STPG2: variants seen among roughly 807,000 people sequenced by gnomAD.
STPG2 encodes the protein sperm-tail PG-rich repeat-containing protein 2.
STPG2 carries 56 observed loss-of-function variants against 54.2 expected under a neutral mutation model. That is an observed-to-expected ratio of 1.03 (90% CI 0.83 to 1.29). The LOEUF is 1.29. STPG2 is among the 50% of genes most tolerant of loss of function. STPG2 has a pLI of 0.00. For synonymous variants in STPG2, 200 were observed against 181.8 expected (o/e 1.10, Z -0.81); for missense variants, 596 against 544.9 (o/e 1.09, Z -0.93).
At chr4:97,587,698 T>C (rs1166828353) in intron 10 of STPG2, among the ~76,000 whole-genome samples, 1 of 151,972 alleles carries the variant, frequency 6.6e-6, no homozygotes, top group Non-Finnish European at 1.5e-5. Context: ...TAAATTTCTG[T>C]TTCATATTTC....
chr4:97,657,176 A>AT (rs1221991051), intron 10 of STPG2, among the ~76,000 whole-genome samples: 2 of 152,126 alleles, frequency 1.3e-5, no homozygotes, highest in African/African-American at 4.8e-5. Flanking sequence ...ATTTAATGGA[A>AT]TAAAAAAATA....
intron 5 of STPG2, among the ~76,000 whole-genome samples, chr4:98,019,236 T>C (rs534733011): frequency 2.0e-5 from 3 of 152,332 alleles, no homozygotes; most frequent in African/African-American, 7.2e-5. Flanking sequence ...TTTCTACATA[T>C]GGCTAGCCAG....
chr4:97,881,498 C>T (rs761722088), intron 8 of STPG2, among the ~76,000 whole-genome samples: 1 of 151,964 alleles, frequency 6.6e-6, no homozygotes, highest in Non-Finnish European at 1.5e-5. Flanking sequence ...CATAAATGGG[C>T]AAGTAAGAAA....
At chr4:97,854,773 T>G (rs1729278415) in intron 8 of STPG2, among the ~76,000 whole-genome samples, 1 of 152,174 alleles carries the variant, frequency 6.6e-6, no homozygotes. Context: ...AAGTGGTACA[T>G]GTGCAGCATG....
At chr4:97,890,450 G>C (rs1730724400) in intron 8 of STPG2, among the ~76,000 whole-genome samples, 1 of 151,738 alleles carries the variant, frequency 6.6e-6, no homozygotes, top group Admixed American at 6.6e-5. Flanking sequence ...TCTAAATGTT[G>C]CATAAATTTT....
intron 4 of STPG2, among the ~76,000 whole-genome samples, chr4:97,517,938 A>T (rs986227107): frequency 6.6e-6 from 1 of 152,104 alleles, no homozygotes; most frequent in Admixed American, 6.6e-5. Context: ...TGGATTGCTC[A>T]CTTATTCAAA....
chr4:97,466,906 T>C (rs952447303), intron 4 of STPG2, among the ~76,000 whole-genome samples: 1 of 152,010 alleles, frequency 6.6e-6, no homozygotes, highest in Non-Finnish European at 1.5e-5. Context: ...AGTTGAGAAA[T>C]AGTTACAGAG....
At chr4:97,964,538 G>GA (rs1168530479) in intron 7 of STPG2, among the ~76,000 whole-genome samples, 6 of 151,686 alleles carry the variant, frequency 4.0e-5, no homozygotes, top group African/African-American at 1.5e-4. Flanking sequence ...AAAACCCTCA[G>GA]AAAAATAAGT....
At chr4:97,841,725 G>C (rs1728807694) in intron 8 of STPG2, among the ~76,000 whole-genome samples, 1 of 151,718 alleles carries the variant, frequency 6.6e-6, no homozygotes, top group African/African-American at 2.4e-5. Context: ...GACTTCCTAG[G>C]TTCCAAATAT....
At chr4:97,569,657 TA>T (rs770016281) in intron 10 of STPG2, among the ~76,000 whole-genome samples, 1 of 152,098 alleles carries the variant, frequency 6.6e-6, no homozygotes, top group Non-Finnish European at 1.5e-5. Context: ...TTATAGTAAA[TA>T]GCTAATAATA....
intron 7 of STPG2, among the ~76,000 whole-genome samples, chr4:97,953,013 C>A (rs995677982): frequency 6.6e-6 from 1 of 152,216 alleles, no homozygotes. Flanking sequence ...AGGGGAGATA[C>A]TGTGGTTTCT....
At chr4:97,865,620 A>C (rs1016890104) in intron 8 of STPG2, among the ~76,000 whole-genome samples, 1 of 151,688 alleles carries the variant, frequency 6.6e-6, no homozygotes, top group African/African-American at 2.4e-5. Flanking sequence ...CAAACACCAC[A>C]TATTCTCACT....
At chr4:97,825,854 A>G (rs1029047681) in intron 9 of STPG2, among the ~76,000 whole-genome samples, 2 of 152,236 alleles carry the variant, frequency 1.3e-5, no homozygotes. Context: ...TGGTAAATAA[A>G]TAAAGTTTTA....
At chr4:98,026,415 T>C (rs1261602720) in intron 5 of STPG2, among the ~76,000 whole-genome samples, 2 of 152,328 alleles carry the variant, frequency 1.3e-5, no homozygotes, top group South Asian at 2.1e-4. Context: ...ATCTGGACCC[T>C]GTACAAATTT....
At chr4:97,777,430 A>C (rs921571326) in intron 9 of STPG2, among the ~76,000 whole-genome samples, 4 of 152,222 alleles carry the variant, frequency 2.6e-5, no homozygotes, top group African/African-American at 9.6e-5. Flanking sequence ...CATAAAATTG[A>C]GCCAAAAATT....
chr4:97,572,532 T>A (rs775098093), intron 10 of STPG2: 4 of 152,192 alleles, frequency 2.6e-5, no homozygotes, highest in Non-Finnish European at 4.4e-5. Flanking sequence ...TCTTGTATGT[T>A]TATTTATATT....
chr4:97,597,842 C>T (rs972685107), intron 10 of STPG2, among the ~76,000 whole-genome samples: 2 of 152,048 alleles, frequency 1.3e-5, no homozygotes, highest in African/African-American at 2.4e-5. Flanking sequence ...GATGCCCACT[C>T]TCACCACTCC....
intron 9 of STPG2, among the ~76,000 whole-genome samples, chr4:97,826,200 G>A (rs758620155): frequency 6.6e-6 from 1 of 152,182 alleles, no homozygotes; most frequent in Non-Finnish European, 1.5e-5. Context: ...AGTGTAACAC[G>A]TAGTTGAGAC....
chr4:97,935,333 C>T (rs1732708698), intron 8 of STPG2, among the ~76,000 whole-genome samples: 2 of 152,140 alleles, frequency 1.3e-5, no homozygotes, highest in African/African-American at 4.8e-5. Context: ...AAAAACCCAG[C>T]TCCTGGATTC....
Sources: gnomAD v4.1 joint callset for allele counts (sites outside exome capture counted in the v4.1 genomes callset) on GRCh38, gnomAD v4.1.1 for gene constraint, MANE v1.5 for transcripts, NCBI Gene and HGNC (gene_info 2026-07-23, HGNC 2026-07-21) for gene names.